The following PCDH9 variants were observed in gnomAD, a reference collection of about 807,000 sequenced individuals.
PCDH9 encodes the protein protocadherin-9.
In PCDH9, 24 loss-of-function variants were observed where a neutral mutation model predicts 70.6. The ratio of observed to expected loss-of-function variants is 0.34; its 90% CI spans 0.25 to 0.48. PCDH9 has a LOEUF of 0.48. Ranked by LOEUF, PCDH9 falls within the 20% of genes least tolerant of loss-of-function variation. The pLI is 0.99. For synonymous variants in PCDH9, 562 were observed against 558.5 expected (o/e 1.01, Z -0.09); for missense variants, 1,281 against 1,503.6 (o/e 0.85, Z 2.45).
chr13:66,953,245 T>C (rs939889703), intron 2 of PCDH9, among the ~76,000 whole-genome samples: 39 of 152,124 alleles, frequency 2.6e-4, no homozygotes, highest in African/African-American at 8.7e-4. Flanking sequence ...TGTGACAATA[T>C]AGTTTTTAAC....
chr13:66,780,869 A>G (rs1401787148), intron 3 of PCDH9, among the ~76,000 whole-genome samples: 2 of 152,156 alleles, frequency 1.3e-5, no homozygotes, highest in African/African-American at 2.4e-5. Context: ...TGACTGAGCG[A>G]ATTTTTAAAA....
intron 2 of PCDH9, among the ~76,000 whole-genome samples, chr13:66,916,629 T>C (rs1191926772): frequency 6.6e-6 from 1 of 151,590 alleles, no homozygotes; most frequent in Non-Finnish European, 1.5e-5. Flanking sequence ...GCTGTATATG[T>C]AATTTATTCA....
chr13:67,168,176 GT>G (rs1240195789), intron 2 of PCDH9, among the ~76,000 whole-genome samples: 5 of 152,168 alleles, frequency 3.3e-5, no homozygotes, highest in Non-Finnish European at 7.4e-5. Context: ...ATGACAAGTT[GT>G]GACAAAACCT....
intron 4 of PCDH9, among the ~76,000 whole-genome samples, chr13:66,464,706 T>G (rs1038093537): frequency 1.3e-5 from 2 of 151,912 alleles, no homozygotes; most frequent in African/African-American, 4.8e-5. Context: ...GAGAGGGGAC[T>G]GCAAGTGGAC....
intron 4 of PCDH9, among the ~76,000 whole-genome samples, chr13:66,527,486 A>G (rs1483194274): frequency 6.6e-6 from 1 of 152,118 alleles, no homozygotes; most frequent in Non-Finnish European, 1.5e-5. Flanking sequence ...AATACCATTA[A>G]GGTCCTTACA....
chr13:67,226,810 G>A lies in PCDH9; in HGVS notation c.1631C>T (p.Ala544Val), dbSNP rs781314715. The A allele has an allele frequency of 3.7e-6, 6 of 1,614,010 alleles. No homozygotes were observed. The highest frequency in any genetic ancestry group is 1.7e-5 in the Admixed American group (1 of 60,022). Residue 544 changes from alanine to valine, a missense_variant, in exon 2 of 5, where the codon GCC (alanine) becomes GTC (valine). By Grantham distance (64) the Ala-to-Val change is moderately conservative (BLOSUM62 0). Around this residue, in one of 4 missense-constraint regions of PCDH9, gnomAD observed 798 missense variants for 1,003.1 expected, o/e 0.80. Transcript: ENST00000377865. The surrounding 1 kb of genome is among the most constrained non-coding windows in gnomAD (Gnocchi z 5.0). The part of the protein sequence containing the change: ...EQERFIFTVT[A>V]RDNGTPPLQS... ...GAGGGGAGGGGTCCCATTGTCCCTG[G>A]CAGTTACTGTAAAAATGAATCGTTC...
intron 2 of PCDH9, among the ~76,000 whole-genome samples, chr13:67,057,405 T>A (rs1227476543): frequency 6.6e-6 from 1 of 152,070 alleles, no homozygotes; most frequent in African/African-American, 2.4e-5. Flanking sequence ...GCATGGTTAC[T>A]TAGTGAGTGG....
At chr13:66,514,344 G>T (rs960487146) in intron 4 of PCDH9, among the ~76,000 whole-genome samples, 7 of 151,930 alleles carry the variant, frequency 4.6e-5, no homozygotes, top group African/African-American at 1.7e-4. Flanking sequence ...ACATAGACTT[G>T]GTTTGTATAA....
intron 2 of PCDH9, among the ~76,000 whole-genome samples, chr13:67,107,128 G>T (rs935257685): frequency 2.6e-5 from 4 of 152,120 alleles, no homozygotes; most frequent in Admixed American, 2.6e-4. Flanking sequence ...CATGGGGGCC[G>T]GGCTGTCACT....
chr13:67,178,003 G>T (rs2088510116), intron 2 of PCDH9, among the ~76,000 whole-genome samples: 1 of 151,978 alleles, frequency 6.6e-6, no homozygotes, highest in African/African-American at 2.4e-5. Context: ...CTGCCCAACT[G>T]CCCAAGCCTG....
chr13:66,447,584 G>A (rs1958120905), intron 4 of PCDH9, among the ~76,000 whole-genome samples: 1 of 152,010 alleles, frequency 6.6e-6, no homozygotes, highest in Non-Finnish European at 1.5e-5. Flanking sequence ...TGGCAATTAG[G>A]ACTGGATTCT....
chr13:66,407,972 T>C (rs952255007), intron 4 of PCDH9, among the ~76,000 whole-genome samples: 2 of 152,032 alleles, frequency 1.3e-5, no homozygotes, highest in Non-Finnish European at 2.9e-5. Flanking sequence ...ATTGTATGAT[T>C]GAGACAAACA....
intron 3 of PCDH9, among the ~76,000 whole-genome samples, chr13:66,820,025 T>C (rs2080682222): frequency 6.6e-6 from 1 of 152,188 alleles, no homozygotes; most frequent in Admixed American, 6.5e-5. Context: ...TGCTTACCTG[T>C]TACTCTTCAT....
chr13:67,155,906 C>G (rs1483033160), intron 2 of PCDH9, among the ~76,000 whole-genome samples: 1 of 152,128 alleles, frequency 6.6e-6, no homozygotes, highest in Non-Finnish European at 1.5e-5. Flanking sequence ...TCTATGCCTG[C>G]TACAGCGTTT....
chr13:67,049,062 T>C (rs2085275066), intron 2 of PCDH9, among the ~76,000 whole-genome samples: 1 of 152,186 alleles, frequency 6.6e-6, no homozygotes, highest in African/African-American at 2.4e-5. Context: ...ATATTTCTAA[T>C]AAGAATAAAA....
At chr13:67,045,138 C>G (rs2085197972) in intron 2 of PCDH9, among the ~76,000 whole-genome samples, 1 of 152,082 alleles carries the variant, frequency 6.6e-6, no homozygotes, top group African/African-American at 2.4e-5. Flanking sequence ...CAGCAGAGAT[C>G]TGGGTGAAAT....
At chr13:66,822,383 A>G (rs2080728138) in intron 3 of PCDH9, among the ~76,000 whole-genome samples, 1 of 152,142 alleles carries the variant, frequency 6.6e-6, no homozygotes, top group African/African-American at 2.4e-5. Context: ...AAGTATGAAG[A>G]AAATACGTTC....
chr13:66,306,064 G>A (rs115832353), intron 4 of PCDH9: 73 of 152,038 alleles, frequency 4.8e-4, no homozygotes, highest in African/African-American at 1.7e-3. Flanking sequence ...TTGGAAATTA[G>A]GAATTGATTT....
At chr13:66,517,411 T>C (rs1253390828) in intron 4 of PCDH9, among the ~76,000 whole-genome samples, 1 of 152,040 alleles carries the variant, frequency 6.6e-6, no homozygotes, top group Non-Finnish European at 1.5e-5. Context: ...AGACTAAAAA[T>C]ACTTTTGAGG....
Sources: gnomAD v4.1 joint callset for allele counts (sites outside exome capture counted in the v4.1 genomes callset) on GRCh38, gnomAD v4.1.1 for gene constraint, gnomAD v4.1.1 regional missense constraint, Gnocchi (gnomAD v3.1) non-coding constraint, MANE v1.5 for transcripts, NCBI Gene and HGNC (gene_info 2026-07-23, HGNC 2026-07-21) for gene names.